The following SH3GL3 variants were observed in gnomAD, a reference collection of about 807,000 sequenced individuals.
SH3GL3 encodes the protein endophilin-A3.
Under a neutral mutation model 47.7 loss-of-function variants are expected in SH3GL3, and 33 were observed. That is an observed-to-expected ratio of 0.69 (90% CI 0.52 to 0.92). SH3GL3 has a LOEUF of 0.92. Among genes scored for constraint, SH3GL3 ranks in the 40% least tolerant of loss-of-function variants. SH3GL3 has a pLI of 0.00. For missense variants in SH3GL3, 363 were observed against 417.8 expected (o/e 0.87, Z 1.14); for synonymous variants, 155 against 148.8 (o/e 1.04, Z -0.30).
intron 8 of SH3GL3, chr15:83,609,417 A>C: frequency 4.6e-6 from 2 of 436,800 alleles, no homozygotes; most frequent in Middle Eastern, 5.1e-4. Context: ...AAACACTCAA[A>C]AGACACAGCA....
chr15:83,608,671 T>G (rs2060589517), intron 8 of SH3GL3, among the ~76,000 whole-genome samples: 1 of 152,042 alleles, frequency 6.6e-6, no homozygotes, highest in African/African-American at 2.4e-5. Context: ...TTTCAAACAC[T>G]CGGTGAGAGT....
At chr15:83,562,131 A>G (rs576855915) in intron 2 of SH3GL3, among the ~76,000 whole-genome samples, 25 of 151,310 alleles carry the variant, frequency 1.7e-4, no homozygotes, top group African/African-American at 5.1e-4. Flanking sequence ...TTTAAGCTAC[A>G]TGAGTTTTTG....
chr15:83,503,781 A>G (rs2042381623), intron 1 of SH3GL3, among the ~76,000 whole-genome samples: 1 of 152,246 alleles, frequency 6.6e-6, no homozygotes, highest in African/African-American at 2.4e-5. Context: ...ATCCTGAAAT[A>G]AAGTTGCTGA....
Position 83,490,619 on chromosome 15 carries a change from A to T in SH3GL3, c.45+43041A>T, listed in dbSNP as rs554861200. 146 of 617,814 alleles carry T rather than the reference A, an allele frequency of 2.4e-4. 1 individual carries two copies. In the African/African-American group the frequency reaches 2.5e-3, roughly 11 times the overall value. 38.3% of individuals were successfully genotyped at this position (617,814 alleles called of 1,614,324 possible). ...AGTTGGCCCCCCTACAACCTAGTTC[A>T]GCCTGGCACAGTATATGACGGTGGT... On this transcript the variant is annotated intron_variant, in intron 1 of 8. Transcript: ENST00000427482.
chr15:83,473,670 C>T (rs1489176623), intron 1 of SH3GL3, among the ~76,000 whole-genome samples: 1 of 151,782 alleles, frequency 6.6e-6, no homozygotes, highest in Non-Finnish European at 1.5e-5. Flanking sequence ...GCCTCAGCCT[C>T]CCGAGTAGCT....
chr15:83,471,086 A>C (rs2040811385), intron 1 of SH3GL3, among the ~76,000 whole-genome samples: 2 of 152,088 alleles, frequency 1.3e-5, no homozygotes, highest in Admixed American at 6.5e-5. Context: ...CTTATCATGT[A>C]CTTTTTTCTT....
At chr15:83,628,341 A>G in the SH3GL3 span, among the ~76,000 whole-genome samples, 1 of 152,256 alleles carries the variant, frequency 6.6e-6, no homozygotes, top group South Asian at 2.1e-4. Context: ...ATACACCTAT[A>G]TGAAAGGGAA....
intron 4 of SH3GL3, among the ~76,000 whole-genome samples, chr15:83,570,407 A>T (rs1446825618): frequency 6.6e-6 from 1 of 152,204 alleles, no homozygotes; most frequent in African/African-American, 2.4e-5. Context: ...GTTTTAAAAC[A>T]TACTTTAATA....
At chr15:83,522,491 G>A (rs1433398468) in intron 1 of SH3GL3, among the ~76,000 whole-genome samples, 1 of 152,180 alleles carries the variant, frequency 6.6e-6, no homozygotes, top group African/African-American at 2.4e-5. Flanking sequence ...TGTTGATAAA[G>A]GAAGAGGCAG....
chr15:83,567,329 A>G (rs540772926), intron 3 of SH3GL3, among the ~76,000 whole-genome samples: 1 of 152,136 alleles, frequency 6.6e-6, no homozygotes, highest in African/African-American at 2.4e-5. Context: ...CCTGCACCAC[A>G]CTGGACTTTA....
At chr15:83,601,375 A>G (rs1228119193) in intron 8 of SH3GL3, among the ~76,000 whole-genome samples, 1 of 152,168 alleles carries the variant, frequency 6.6e-6, no homozygotes, top group Non-Finnish European at 1.5e-5. Context: ...TGTCCCTTGT[A>G]TGCCGATTTT....
At chr15:83,556,189 T>A (rs369508795) in intron 1 of SH3GL3, among the ~76,000 whole-genome samples, 1 of 149,634 alleles carries the variant, frequency 6.7e-6, no homozygotes, top group African/African-American at 2.5e-5. Context: ...TATCTTTTTT[T>A]ATCTTTCTAT....
chr15:83,508,782 G>T (rs8037414), intron 1 of SH3GL3, among the ~76,000 whole-genome samples: 105,806 of 151,972 alleles, frequency 0.7, 37,149 homozygotes, highest in African/African-American at 0.78. Flanking sequence ...TTCACCATCT[G>T]GTTGGCCACC....
chr15:83,601,762 A>G lies in SH3GL3; in HGVS notation c.838+12991A>G, dbSNP rs543001995. Among the ~76,000 whole-genome samples the G allele has an allele frequency of 2.6e-5, 4 of 151,726 alleles. No individual in the cohort carries two copies. In the East Asian group the frequency reaches 7.7e-4, roughly 29 times the overall value. ...TTCTGTATCTTGTAGAATAGTGTCA[A>G]TAGGATTGGTACCGATTCTTCTTTG... is the stretch of plus-strand genomic sequence containing the variant. On this transcript the variant is annotated intron_variant, in intron 8 of 8. Coordinates refer to ENST00000427482, the MANE Select transcript of SH3GL3 (RefSeq NM_003027.5).
chr15:83,514,309 A>G (rs761435843), intron 1 of SH3GL3, among the ~76,000 whole-genome samples: 1 of 152,208 alleles, frequency 6.6e-6, no homozygotes, highest in Non-Finnish European at 1.5e-5. Flanking sequence ...CTTAGAAGCT[A>G]AGTTGCACTG....
At chr15:83,616,537 T>C (rs1353889954) in intron 8 of SH3GL3, among the ~76,000 whole-genome samples, 1 of 152,156 alleles carries the variant, frequency 6.6e-6, no homozygotes, top group Non-Finnish European at 1.5e-5. Flanking sequence ...CCACTGCGCC[T>C]GGCCACTGTG....
chr15:83,613,827 C>T (rs2060740595), intron 8 of SH3GL3, among the ~76,000 whole-genome samples: 1 of 152,050 alleles, frequency 6.6e-6, no homozygotes, highest in African/African-American at 2.4e-5. Context: ...GCCCTGGGGC[C>T]AGGCCATTAT....
chr15:83,633,483 TC>T, the SH3GL3 span, among the ~76,000 whole-genome samples: 1 of 152,140 alleles, frequency 6.6e-6, no homozygotes, highest in East Asian at 1.9e-4. Flanking sequence ...AGAAACCTCT[TC>T]CACCAGAAGA....
At chr15:83,540,759 C>T (rs1364011536) in intron 1 of SH3GL3, among the ~76,000 whole-genome samples, 1 of 152,064 alleles carries the variant, frequency 6.6e-6, no homozygotes, top group Non-Finnish European at 1.5e-5. Flanking sequence ...TATTCCTCAC[C>T]TCAAGCACTT....
Sources: gnomAD v4.1 joint callset for allele counts (sites outside exome capture counted in the v4.1 genomes callset) on GRCh38, gnomAD v4.1.1 for gene constraint, MANE v1.5 for transcripts, NCBI Gene and HGNC (gene_info 2026-07-23, HGNC 2026-07-21) for gene names.